Variants in FBXO42 observed in about 807,000 individuals in gnomAD.
FBXO42 encodes the protein F-box only protein 42.
In FBXO42, 12 loss-of-function variants were observed where a neutral mutation model predicts 71.7. The ratio of observed to expected loss-of-function variants is 0.17; its 90% CI spans 0.11 to 0.27. The LOEUF (loss-of-function observed/expected upper bound fraction) is 0.27, where lower values mean the gene tolerates loss of function less well. FBXO42 is among the 10% of genes least tolerant of loss of function. FBXO42 has a pLI of 1.00. For synonymous variants in FBXO42, 325 were observed against 327.5 expected, an observed-to-expected ratio of 0.99 and a Z score of 0.08; for missense variants, 707 against 911.9, an observed-to-expected ratio of 0.78 and a Z score of 2.89.
chr1:16,297,468 A>G lies in FBXO42; in HGVS notation c.368-2551T>C, dbSNP rs190124580. ...AGCTGCAGGCTTTTAAAATTACCAA[A>G]GAAATTAGACAAAACAGATCTGAAG... On this transcript the variant is annotated intron_variant, in intron 3 of 9. Transcript: ENST00000375592. Among the ~76,000 whole-genome samples the G allele has an allele frequency of 8.6e-4, 131 of 152,318 alleles. 2 individuals carry two copies. In the South Asian group the frequency reaches 0.012, roughly 14 times the overall value.
chr1:16,302,756 C>G (rs570255704), intron 3 of FBXO42, among the ~76,000 whole-genome samples: 1 of 152,214 alleles, frequency 6.6e-6, no homozygotes, highest in Non-Finnish European at 1.5e-5. Flanking sequence ...GTGATCCGCC[C>G]TCCTCAGCCT....
chr1:16,253,293 A>T (rs1323195976), intron 7 of FBXO42, 141 bp from the exon 8 acceptor site: 1 of 673,976 alleles, frequency 1.5e-6, no homozygotes, highest in East Asian at 2.8e-5. Context: ...TTCTCCTAAA[A>T]ACATATCAAT....
Position 16,294,798 on chromosome 1 carries a change from G to T in FBXO42, c.487C>A (p.Arg163=). 1 of 1,613,846 alleles carries T rather than the reference G, an allele frequency of 6.2e-7. No homozygotes were observed. Among genetic ancestry groups the T allele is most frequent in the Middle Eastern group, 1.7e-4 (1 of 6,060 alleles). ...RLDLNSKEWI[R]PLASGSYPSP... is the part of the protein sequence containing the mutation. ...CATCTCTTACCTGAAGCCAAAGGTC[G>T]GATCCACTCTTTGCTGTTTAGGTCA... The change falls in exon 4 of 10, where the codon CGA becomes AGA. Residue 163 remains arginine (R), a synonymous_variant. Transcript: ENST00000375592.
At chr1:16,330,276 T>C (rs981555111) in intron 1 of FBXO42, among the ~76,000 whole-genome samples, 1 of 152,094 alleles carries the variant, frequency 6.6e-6, no homozygotes, top group African/African-American at 2.4e-5. Context: ...ATCCCAGCAC[T>C]TTGAGACGCC....
chr1:16,281,559 C>T (rs1472605745), intron 4 of FBXO42, among the ~76,000 whole-genome samples: 1 of 151,332 alleles, frequency 6.6e-6, no homozygotes, highest in Non-Finnish European at 1.5e-5. Flanking sequence ...ACCTCTGCCT[C>T]CCAGGTTCAA....
chr1:16,254,825 G>A (rs1191387187), intron 6 of FBXO42, among the ~76,000 whole-genome samples: 6 of 152,250 alleles, frequency 3.9e-5, no homozygotes, highest in African/African-American at 1.4e-4. Flanking sequence ...AGTATGGCCA[G>A]AAGTGGACAG....
intron 1 of FBXO42, among the ~76,000 whole-genome samples, chr1:16,343,546 T>TA (rs1363462326): frequency 6.6e-6 from 1 of 151,752 alleles, no homozygotes; most frequent in Non-Finnish European, 1.5e-5. Flanking sequence ...ACCCTGTGTC[T>TA]AAAAAAATAA....
In FBXO42 at chr1:16,251,742, C is replaced by G. The variant is rs2081594444; in HGVS notation, c.1082G>C (p.Arg361Thr). The change falls in exon 10 of 10, where the codon AGA becomes ACA. Residue 361 changes from arginine (R) to threonine (T), a missense_variant. By Grantham distance (71) the Arg-to-Thr change is moderately conservative. Coordinates refer to ENST00000375592, the MANE Select transcript of FBXO42 (RefSeq NM_018994.3). The surrounding 1 kb of genome is among the most constrained non-coding windows in gnomAD (Gnocchi z 4.5). ...VVVFSQAPSG[R>T]APLSPSLNSR... ...GTTCAAACTGGGGCTGAGTGGGGCTCTCCCACTAGGAGCCTGGCTGAAGAC... is the reference window on the plus strand; with the variant it reads ...GTTCAAACTGGGGCTGAGTGGGGCTGTCCCACTAGGAGCCTGGCTGAAGAC... The G allele has an allele frequency of 1.2e-6, 2 of 1,614,024 alleles. No individual in the cohort carries two copies. Among genetic ancestry groups the G allele is most frequent in the Non-Finnish European group, 1.7e-6 (2 of 1,180,042 alleles).
Position 16,255,085 on chromosome 1 carries a change from T to C in FBXO42, c.767+626A>G, listed in dbSNP as rs112304998. Among the ~76,000 whole-genome samples the C allele has an allele frequency of 4.8e-3, 729 of 152,288 alleles. 9 individuals are homozygous for C. The highest frequency in any genetic ancestry group is 0.017 in the African/African-American group (695 of 41,570). ...GCAAGAGCTGGGTAATAAAGTAGAA[T>C]AAGTAAAAGCATTCTGTTCTCGAAA... On this transcript the variant is annotated intron_variant, in intron 6 of 9. Transcript: ENST00000375592.
At chr1:16,273,447 TA>T (rs2100480896) in intron 4 of FBXO42, among the ~76,000 whole-genome samples, 1 of 152,264 alleles carries the variant, frequency 6.6e-6, no homozygotes, top group Admixed American at 6.5e-5. Flanking sequence ...GGATGCTTGC[TA>T]TGTCTAAAAT....
chr1:16,347,884 G>A (rs1485636401), intron 1 of FBXO42, among the ~76,000 whole-genome samples: 2 of 151,714 alleles, frequency 1.3e-5, no homozygotes, highest in Non-Finnish European at 2.9e-5. Flanking sequence ...AGCTACTCGG[G>A]AGGCTGAGGC....
At chr1:16,308,416 G>A (rs1442020364) in intron 2 of FBXO42, among the ~76,000 whole-genome samples, 1 of 152,140 alleles carries the variant, frequency 6.6e-6, no homozygotes, top group Admixed American at 6.5e-5. Context: ...CCAGGAGTTC[G>A]AGGCTGTAGT....
intron 1 of FBXO42, among the ~76,000 whole-genome samples, chr1:16,335,660 G>T (rs1036730368): frequency 2.6e-5 from 4 of 152,014 alleles, no homozygotes; most frequent in African/African-American, 9.7e-5. Flanking sequence ...GAGGTCAGGA[G>T]TTCGAGACCA....
At chr1:16,273,738 G>T (rs1341719673) in intron 4 of FBXO42, among the ~76,000 whole-genome samples, 1 of 152,044 alleles carries the variant, frequency 6.6e-6, no homozygotes, top group Non-Finnish European at 1.5e-5. Flanking sequence ...AATTAACCGG[G>T]TGTGGTGATG....
At chr1:16,328,721 G>A (rs1557603736) in intron 1 of FBXO42, among the ~76,000 whole-genome samples, 1 of 152,102 alleles carries the variant, frequency 6.6e-6, no homozygotes, top group Non-Finnish European at 1.5e-5. Context: ...GCACCCAGAA[G>A]TTCTTTCTAA....
intron 3 of FBXO42, among the ~76,000 whole-genome samples, chr1:16,302,163 G>A (rs1423504344): frequency 4.6e-5 from 7 of 152,258 alleles, no homozygotes; most frequent in South Asian, 4.1e-4. Flanking sequence ...TATCTACGGC[G>A]AGGAATCTGA....
rs572320069 is a variant in FBXO42, at chr1:16,260,062, C to G, written c.503-3303G>C. 1.3e-4 allele frequency among the ~76,000 whole-genome samples: 20 copies of G among 152,236 alleles called. No individual in the cohort carries two copies. The East Asian group carries it at 3.7e-3, about 28-fold the overall frequency. Reference sequence around the variant, plus strand: ...TAACTTTGTCAACAGTGTGCCTATGCTTGGGGATTACGGGAAAGTAGCAGG... The same window carrying G: ...TAACTTTGTCAACAGTGTGCCTATGGTTGGGGATTACGGGAAAGTAGCAGG... On this transcript the variant is annotated intron_variant, in intron 4 of 9. Coordinates refer to ENST00000375592, the MANE Select transcript of FBXO42 (RefSeq NM_018994.3).
chr1:16,333,855 A>G (rs1324964708), intron 1 of FBXO42, among the ~76,000 whole-genome samples: 1 of 152,142 alleles, frequency 6.6e-6, no homozygotes, highest in Non-Finnish European at 1.5e-5. Flanking sequence ...TACTAGTTCA[A>G]TTTTAACAGT....
Position 16,251,822 on chromosome 1 carries a change from G to A in FBXO42, c.1039-37C>T, listed in dbSNP as rs1008087918. The A allele has an allele frequency of 1.3e-6, 2 of 1,568,302 alleles. No individual in the cohort carries two copies. The highest frequency in any genetic ancestry group is 1.9e-5 in the Admixed American group (1 of 53,094). On this transcript the variant is annotated intron_variant, in intron 9 of 9. Coordinates refer to ENST00000375592, the MANE Select transcript of FBXO42 (RefSeq NM_018994.3). The surrounding 1 kb of genome is among the most constrained non-coding windows in gnomAD (Gnocchi z 4.5). ...AGGACCAGTGCTCACACTCTTCTAT[G>A]ATTCTGATTGTTCATTCAACTGTCA... is the stretch of plus-strand genomic sequence containing the variant.
Sources: allele counts gnomAD v4.1 joint callset (sites outside exome capture counted in the v4.1 genomes callset), GRCh38; gene constraint gnomAD v4.1.1; non-coding constraint Gnocchi (gnomAD v3.1); transcripts MANE v1.5; gene names NCBI Gene and HGNC (gene_info 2026-07-23, HGNC 2026-07-21).